DRC11: variants seen among roughly 807,000 people sequenced by gnomAD.
The protein encoded by DRC11 is IQ and AAA domain-containing protein 1.
At chr2:236,507,164 A>C in the DRC11 span, 1 of 1,332,860 alleles carries the variant, frequency 7.5e-7, no homozygotes, top group East Asian at 3.0e-5. Context: ...GGAGAAAAGA[A>C]AAGAAAAAAG....
chr2:236,331,277 C>T, the DRC11 span: 25 of 1,027,140 alleles, frequency 2.4e-5, 1 homozygote, highest in South Asian at 1.3e-4. This position sits in a 1 kb window ranked among gnomAD's most constrained non-coding sequence, Gnocchi z 4.8. Flanking sequence ...TTCCAATTCA[C>T]GAAACCCACG....
chr2:236,345,207 C>A, the DRC11 span, among the ~76,000 whole-genome samples: 7 of 151,978 alleles, frequency 4.6e-5, no homozygotes, highest in Admixed American at 4.6e-4. Context: ...CAGGTGTGCA[C>A]CTGCTCTCCC....
the DRC11 span, chr2:236,363,931 A>C: frequency 6.2e-7 from 1 of 1,614,006 alleles, no homozygotes; most frequent in Non-Finnish European, 8.5e-7. This position sits in a 1 kb window ranked among gnomAD's most constrained non-coding sequence, Gnocchi z 5.6. Flanking sequence ...CGGCCCGGCT[A>C]ACAGTAGCGA....
the DRC11 span, among the ~76,000 whole-genome samples, chr2:236,404,977 G>T: frequency 6.6e-6 from 1 of 152,114 alleles, no homozygotes; most frequent in African/African-American, 2.4e-5. Flanking sequence ...AGCTCTCTGG[G>T]GTCTCTTTCA....
At chr2:236,425,074 T>A in the DRC11 span, among the ~76,000 whole-genome samples, 1 of 152,036 alleles carries the variant, frequency 6.6e-6, no homozygotes, top group South Asian at 2.1e-4. Context: ...TGAAGAACAC[T>A]GAGGTTGCTT....
the DRC11 span, among the ~76,000 whole-genome samples, chr2:236,354,117 A>G: frequency 1.3e-5 from 2 of 152,002 alleles, no homozygotes; most frequent in Non-Finnish European, 2.9e-5. Flanking sequence ...ACTAGAGAGG[A>G]GCTGGGATGC....
At chr2:236,345,121 G>A in the DRC11 span, among the ~76,000 whole-genome samples, 1 of 145,774 alleles carries the variant, frequency 6.9e-6, no homozygotes, top group African/African-American at 2.5e-5. Flanking sequence ...TTCCCTCTGG[G>A]GTGTGCAGAG....
the DRC11 span, chr2:236,399,410 G>C: frequency 1.2e-6 from 2 of 1,613,054 alleles, no homozygotes; most frequent in Non-Finnish European, 8.5e-7. This position sits in a 1 kb window ranked among gnomAD's most constrained non-coding sequence, Gnocchi z 7.0. Flanking sequence ...CTCCTAAACT[G>C]ACCTTTGTAT....
chr2:236,378,395 T>C, the DRC11 span, among the ~76,000 whole-genome samples: 4 of 152,168 alleles, frequency 2.6e-5, no homozygotes, highest in African/African-American at 7.2e-5. Flanking sequence ...GGTCTGAGGC[T>C]AGGTGTGATG....
the DRC11 span, among the ~76,000 whole-genome samples, chr2:236,339,039 A>G: frequency 2.0e-5 from 3 of 152,168 alleles, no homozygotes; most frequent in Non-Finnish European, 4.4e-5. Flanking sequence ...CCTCGCCCCC[A>G]GTGCAGACAG....
chr2:236,377,718 A>AT, the DRC11 span, among the ~76,000 whole-genome samples: 9 of 152,206 alleles, frequency 5.9e-5, no homozygotes, highest in Admixed American at 5.2e-4. The surrounding 1 kb of genome is among the most constrained non-coding windows in gnomAD (Gnocchi z 4.9). Flanking sequence ...GAGGGTGATG[A>AT]TTTTTTAGGA....
At chr2:236,343,102 C>T in the DRC11 span, among the ~76,000 whole-genome samples, 5 of 152,132 alleles carry the variant, frequency 3.3e-5, no homozygotes, top group East Asian at 1.9e-4. The surrounding 1 kb of genome is among the most constrained non-coding windows in gnomAD (Gnocchi z 6.6). Context: ...TCCGCAGGCT[C>T]GGCTGCTTCT....
the DRC11 span, chr2:236,493,718 A>T: frequency 1.7e-5 from 25 of 1,444,738 alleles, no homozygotes; most frequent in African/African-American, 3.1e-4. Context: ...CAGCAGAAAA[A>T]GGAAGTTACA....
chr2:236,371,737 A>G, the DRC11 span, among the ~76,000 whole-genome samples: 8 of 152,114 alleles, frequency 5.3e-5, no homozygotes, highest in African/African-American at 1.9e-4. This position sits in a 1 kb window ranked among gnomAD's most constrained non-coding sequence, Gnocchi z 5.1. Context: ...CAGGGGGAAA[A>G]CTGCTGAGTT....
At chr2:236,364,752 C>A in the DRC11 span, among the ~76,000 whole-genome samples, 2 of 152,170 alleles carry the variant, frequency 1.3e-5, no homozygotes, top group African/African-American at 4.8e-5. Context: ...GTGATCAAAT[C>A]ATTTACTATC....
At chr2:236,485,302 A>T in the DRC11 span, among the ~76,000 whole-genome samples, 2 of 152,232 alleles carry the variant, frequency 1.3e-5, no homozygotes, top group African/African-American at 4.8e-5. Context: ...ACATATACAC[A>T]TACATACATA....
the DRC11 span, among the ~76,000 whole-genome samples, chr2:236,483,196 G>A: frequency 6.6e-6 from 1 of 152,200 alleles, no homozygotes; most frequent in Non-Finnish European, 1.5e-5. The surrounding 1 kb of genome is among the most constrained non-coding windows in gnomAD (Gnocchi z 4.8). Context: ...GTTTATGCAT[G>A]TTGCAGCACG....
chr2:236,484,554 A>C, the DRC11 span, among the ~76,000 whole-genome samples: 1 of 151,878 alleles, frequency 6.6e-6, no homozygotes, highest in Admixed American at 6.6e-5. Flanking sequence ...CTAAAGCTAT[A>C]CTAATATGAA....
At chr2:236,503,549 T>C in the DRC11 span, 6 of 1,309,426 alleles carry the variant, frequency 4.6e-6, no homozygotes, top group African/African-American at 2.9e-5. The surrounding 1 kb of genome is among the most constrained non-coding windows in gnomAD (Gnocchi z 4.9). Flanking sequence ...GGGGAATCCC[T>C]GTCTGGGGGA....
Sources: gnomAD v4.1 joint callset for allele counts (sites outside exome capture counted in the v4.1 genomes callset) on GRCh38, gnomAD v4.1.1 for gene constraint, Gnocchi (gnomAD v3.1) non-coding constraint, MANE v1.5 for transcripts, NCBI Gene and HGNC (gene_info 2026-07-23, HGNC 2026-07-21) for gene names.